NDST3: variants seen among roughly 807,000 people sequenced by gnomAD.
NDST3 encodes bifunctional heparan sulfate N-deacetylase/N-sulfotransferase 3.
In NDST3, 58 loss-of-function variants were observed where a neutral mutation model predicts 96.1. The ratio of observed to expected loss-of-function variants is 0.60; its 90% CI spans 0.49 to 0.75. NDST3 has a LOEUF of 0.75. Ranked by LOEUF, NDST3 falls within the 30% of genes least tolerant of loss-of-function variation. The pLI is 0.00. For synonymous variants in NDST3, 333 were observed against 359.7 expected, an observed-to-expected ratio of 0.93 and a Z score of 0.84; for missense variants, 788 against 1,034.2, an observed-to-expected ratio of 0.76 and a Z score of 3.27.
At chr4:118,160,984 C>T (rs1202501479) in intron 6 of NDST3, among the ~76,000 whole-genome samples, 2 of 151,670 alleles carry the variant, frequency 1.3e-5, no homozygotes, top group African/African-American at 4.8e-5. Context: ...CTCTGTTTTT[C>T]CCCCATCTTC....
chr4:118,077,747 A>C (rs929377214), intron 2 of NDST3, among the ~76,000 whole-genome samples: 1 of 152,194 alleles, frequency 6.6e-6, no homozygotes, highest in Non-Finnish European at 1.5e-5. Flanking sequence ...CAAGCCAGCA[A>C]GTCTCACTTG....
At chr4:118,253,867 C>G (rs1741931299) in intron 13 of NDST3, among the ~76,000 whole-genome samples, 1 of 152,052 alleles carries the variant, frequency 6.6e-6, no homozygotes, top group African/African-American at 2.4e-5. Context: ...AGAATGATAC[C>G]TGCACAAAAA....
intron 4 of NDST3, among the ~76,000 whole-genome samples, chr4:118,116,945 A>G (rs1411759459): frequency 6.6e-6 from 1 of 152,214 alleles, no homozygotes; most frequent in South Asian, 2.1e-4. Flanking sequence ...AGAATTCCCA[A>G]CTAAAAAGTA....
intron 6 of NDST3, among the ~76,000 whole-genome samples, chr4:118,168,358 A>C (rs1184097195): frequency 6.6e-6 from 1 of 152,054 alleles, no homozygotes; most frequent in Non-Finnish European, 1.5e-5. Flanking sequence ...ATGTTTAAAA[A>C]AGTCACTAAT....
At chr4:118,221,375 A>G (rs1020554496) in intron 6 of NDST3, among the ~76,000 whole-genome samples, 26 of 152,098 alleles carry the variant, frequency 1.7e-4, no homozygotes, top group African/African-American at 5.5e-4. Flanking sequence ...TAAACTGAGC[A>G]GCGTGGTCAT....
At position 118,220,468 on chromosome 4, in the gene NDST3, G is replaced by A. The variant is rs149005357; in HGVS notation, c.1540-4023G>A. 4.2e-3 allele frequency among the ~76,000 whole-genome samples: 644 copies of A among 152,000 alleles called. 5 individuals are homozygous for A. The highest frequency in any genetic ancestry group is 0.014 in the African/African-American group (577 of 41,472). ...CCAGTTAGGGGATGGGGGGCTAGGG[G>A]AGGGAAAGCATTAGGGCAAATAGCT... On this transcript the variant is annotated intron_variant, in intron 6 of 13. Transcript: ENST00000296499.
chr4:118,229,091 A>G (rs1380338640), intron 8 of NDST3, among the ~76,000 whole-genome samples: 2 of 151,970 alleles, frequency 1.3e-5, no homozygotes, highest in Admixed American at 1.3e-4. Flanking sequence ...ACCTGAGGTC[A>G]GGAGTTCGAC....
intron 4 of NDST3, among the ~76,000 whole-genome samples, chr4:118,118,990 G>A (rs1041831462): frequency 6.6e-6 from 1 of 152,122 alleles, no homozygotes; most frequent in Non-Finnish European, 1.5e-5. Context: ...ATAGTTAATA[G>A]ATATTTCTAT....
At chr4:118,144,439 C>A (rs1407265688) in intron 6 of NDST3, among the ~76,000 whole-genome samples, 1 of 152,174 alleles carries the variant, frequency 6.6e-6, no homozygotes. Context: ...CTCAGCCTCC[C>A]AAAGTGCTGG....
intron 2 of NDST3, among the ~76,000 whole-genome samples, chr4:118,057,715 T>C (rs76964082): frequency 0.016 from 2,421 of 152,096 alleles, 24 homozygotes; most frequent in Middle Eastern, 0.075. Context: ...GCATAATCTA[T>C]GTGAATGGAA....
chr4:118,161,928 C>G (rs1735177216), intron 6 of NDST3, among the ~76,000 whole-genome samples: 1 of 152,140 alleles, frequency 6.6e-6, no homozygotes, highest in Non-Finnish European at 1.5e-5. Flanking sequence ...AACCCGGTAC[C>G]TCAGATGAAA....
At position 118,115,738 on chromosome 4, in the gene NDST3, T is replaced by C. The variant is rs184379159; in HGVS notation, c.1224+778T>C. Reference sequence around the variant, plus strand: ...GGTACACTTACATGGAATGGTTTTCTACACCAACTGTTAGAACTAAGAAGT... The same window carrying C: ...GGTACACTTACATGGAATGGTTTTCCACACCAACTGTTAGAACTAAGAAGT... On this transcript the variant is annotated intron_variant, in intron 4 of 13. Coordinates refer to ENST00000296499, the MANE Select transcript of NDST3 (RefSeq NM_004784.3). 8.3e-4 allele frequency among the ~76,000 whole-genome samples: 126 copies of C among 152,230 alleles called. No homozygotes were observed. In the East Asian group the frequency reaches 0.023, roughly 28 times the overall value.
intron 2 of NDST3, among the ~76,000 whole-genome samples, chr4:118,072,455 G>C (rs1381747606): frequency 1.3e-5 from 2 of 151,952 alleles, no homozygotes; most frequent in African/African-American, 2.4e-5. Flanking sequence ...TCCCTAGTTA[G>C]CTGTACTCCT....
intron 6 of NDST3, among the ~76,000 whole-genome samples, chr4:118,172,150 T>C (rs1009520978): frequency 2.0e-5 from 3 of 152,206 alleles, no homozygotes; most frequent in Admixed American, 6.5e-5. Flanking sequence ...CAAGGTGATA[T>C]TCTCTAACCA....
intron 8 of NDST3, among the ~76,000 whole-genome samples, chr4:118,229,909 T>C (rs538145899): frequency 2.0e-5 from 3 of 152,350 alleles, no homozygotes; most frequent in South Asian, 2.1e-4. Flanking sequence ...AGTTTTTATC[T>C]GGAAAAATGC....
intron 1 of NDST3, among the ~76,000 whole-genome samples, chr4:118,037,266 T>G (rs1199116517): frequency 6.6e-6 from 1 of 152,194 alleles, no homozygotes; most frequent in Non-Finnish European, 1.5e-5. Flanking sequence ...AGATTTCTGC[T>G]AAGTAGAGAT....
intron 11 of NDST3, 140 bp from the exon 12 acceptor site, chr4:118,241,900 C>T (rs935494961): frequency 3.7e-6 from 2 of 535,314 alleles, no homozygotes; most frequent in African/African-American, 3.9e-5. Context: ...ATGAGGATGA[C>T]CTGGATTCTA....
chr4:118,179,070 A>G (rs1736438795), intron 6 of NDST3, among the ~76,000 whole-genome samples: 1 of 152,040 alleles, frequency 6.6e-6, no homozygotes, highest in African/African-American at 2.4e-5. Context: ...CAAATCTCAC[A>G]TAATAGGCAA....
intron 6 of NDST3, among the ~76,000 whole-genome samples, chr4:118,168,034 G>A (rs1429645058): frequency 1.3e-5 from 2 of 151,728 alleles, no homozygotes; most frequent in African/African-American, 2.4e-5. Context: ...AAAAGCACAT[G>A]CCACAAAAGC....
Sources: gnomAD v4.1 joint callset for allele counts (sites outside exome capture counted in the v4.1 genomes callset) on GRCh38, gnomAD v4.1.1 for gene constraint, MANE v1.5 for transcripts, NCBI Gene and HGNC (gene_info 2026-07-23, HGNC 2026-07-21) for gene names.